Variants in ZBBX observed in about 807,000 individuals in gnomAD.
ZBBX encodes the protein zinc finger B-box domain containing, also known as zinc finger B-box domain-containing protein 1.
ZBBX carries 101 observed loss-of-function variants against 108.5 expected under a neutral mutation model. That is an observed-to-expected ratio of 0.93 (90% CI 0.79 to 1.10). The LOEUF (loss-of-function observed/expected upper bound fraction) is 1.10, where lower values mean the gene tolerates loss of function less well. ZBBX is among the 50% of genes least tolerant of loss of function. The pLI is 0.00. For missense variants in ZBBX, 1,009 were observed against 941.4 expected (o/e 1.07, Z -0.94); for synonymous variants, 356 against 323.4 (o/e 1.10, Z -1.08).
chr3:167,286,792 T>G (rs913608510), intron 19 of ZBBX, among the ~76,000 whole-genome samples: 1 of 152,078 alleles, frequency 6.6e-6, no homozygotes, highest in Admixed American at 6.6e-5. Flanking sequence ...GTGGCAGGGA[T>G]GAGAAGAATG....
chr3:167,274,561 C>T (rs776766916), intron 20 of ZBBX, among the ~76,000 whole-genome samples: 3 of 152,156 alleles, frequency 2.0e-5, no homozygotes, highest in African/African-American at 7.2e-5. Context: ...AAAGGTTTAG[C>T]CTGTTAACTT....
the ZBBX span, among the ~76,000 whole-genome samples, chr3:167,216,002 C>G: frequency 6.6e-6 from 1 of 152,096 alleles, no homozygotes; most frequent in Non-Finnish European, 1.5e-5. Flanking sequence ...TCATCTATGA[C>G]AAACCCACAG....
intron 20 of ZBBX, among the ~76,000 whole-genome samples, chr3:167,270,033 G>C (rs992082481): frequency 2.6e-5 from 4 of 152,138 alleles, no homozygotes; most frequent in African/African-American, 9.7e-5. Flanking sequence ...GCTAGGAAAG[G>C]TTTCTGTTCC....
intron 9 of ZBBX, among the ~76,000 whole-genome samples, chr3:167,344,331 T>C (rs962961458): frequency 2.6e-5 from 4 of 151,838 alleles, no homozygotes; most frequent in Non-Finnish European, 5.9e-5. Flanking sequence ...ATTCATTGAA[T>C]TGTGCACTTC....
At chr3:167,295,677 T>TA (rs1731517091) in intron 18 of ZBBX, among the ~76,000 whole-genome samples, 1 of 134,512 alleles carries the variant, frequency 7.4e-6, no homozygotes. Flanking sequence ...AAGTGAAATT[T>TA]TAAAAAAAAA....
chr3:167,262,249 T>C (rs1321525567), intron 20 of ZBBX, among the ~76,000 whole-genome samples: 1 of 152,196 alleles, frequency 6.6e-6, no homozygotes, highest in Non-Finnish European at 1.5e-5. Flanking sequence ...GTCTGCTTTC[T>C]TCAGAGGGTC....
At chr3:167,315,605 A>C in intron 15 of ZBBX, 145 bp downstream of exon 15, 1 of 597,318 alleles carries the variant, frequency 1.7e-6, no homozygotes, top group Non-Finnish European at 3.0e-6. Flanking sequence ...TACATATTTA[A>C]GCATGGGTTA....
At chr3:167,350,634 C>T (rs1166827550) in intron 8 of ZBBX, 119 bp from the exon 9 acceptor site, 1 of 616,296 alleles carries the variant, frequency 1.6e-6, no homozygotes, top group South Asian at 4.0e-5. Flanking sequence ...ATACCTATAT[C>T]ATCAGAATTG....
chr3:167,232,852 A>C, the ZBBX span, among the ~76,000 whole-genome samples: 2 of 151,810 alleles, frequency 1.3e-5, no homozygotes, highest in African/African-American at 4.8e-5. Flanking sequence ...ATGGCCTTGA[A>C]GAGGTCTGGT....
the ZBBX span, among the ~76,000 whole-genome samples, chr3:167,231,511 A>G: frequency 6.6e-6 from 1 of 151,780 alleles, no homozygotes; most frequent in African/African-American, 2.4e-5. Flanking sequence ...AACAGTGGGA[A>G]CAAGAGCCTA....
intron 20 of ZBBX, among the ~76,000 whole-genome samples, chr3:167,272,201 A>G (rs913388924): frequency 3.9e-5 from 6 of 152,190 alleles, no homozygotes; most frequent in African/African-American, 1.4e-4. Flanking sequence ...TCTCCTTATG[A>G]AATGCCCTAT....
At chr3:167,262,117 G>A (rs984896530) in intron 20 of ZBBX, among the ~76,000 whole-genome samples, 3 of 152,136 alleles carry the variant, frequency 2.0e-5, no homozygotes, top group African/African-American at 4.8e-5. Flanking sequence ...CAGAACTTCA[G>A]CTTTCAGCTT....
chr3:167,402,011 G>A lies in ZBBX; in HGVS notation c.-446+5715C>T, dbSNP rs1190222720. Among the ~76,000 whole-genome samples, 5 of 152,120 alleles carry A rather than the reference G, an allele frequency of 3.3e-5. No homozygotes were observed. In the South Asian group the frequency reaches 6.2e-4, roughly 19 times the overall value. ...GATCTGGCAGGTCTGGATGCAGGACGAGCAGAAGAATGGTCAAGACCCAGG... is the reference window on the plus strand; with the variant it reads ...GATCTGGCAGGTCTGGATGCAGGACAAGCAGAAGAATGGTCAAGACCCAGG... On this transcript the variant is annotated intron_variant, in intron 1 of 21. Coordinates refer to the ZBBX transcript ENST00000455345.
chr3:167,324,917 G>T (rs2108342780), intron 11 of ZBBX, among the ~76,000 whole-genome samples: 1 of 152,150 alleles, frequency 6.6e-6, no homozygotes, highest in Admixed American at 6.6e-5. Flanking sequence ...CTACAAAATG[G>T]CAGGGAAATT....
At chr3:167,385,837 T>A (rs946357502) in intron 1 of ZBBX, among the ~76,000 whole-genome samples, 1 of 152,082 alleles carries the variant, frequency 6.6e-6, no homozygotes, top group African/African-American at 2.4e-5. Flanking sequence ...CGTCACTGAC[T>A]GAAACTTACA....
intron 12 of ZBBX, among the ~76,000 whole-genome samples, chr3:167,321,016 T>C (rs973255270): frequency 1.3e-5 from 2 of 151,942 alleles, no homozygotes; most frequent in Non-Finnish European, 2.9e-5. Flanking sequence ...GATGATAAAA[T>C]TAAGGTAAAA....
chr3:167,261,548 G>A (rs1198104931), intron 20 of ZBBX, among the ~76,000 whole-genome samples: 1 of 151,902 alleles, frequency 6.6e-6, no homozygotes, highest in Non-Finnish European at 1.5e-5. Flanking sequence ...GTTCACTGGA[G>A]TTGTGTACCT....
intron 20 of ZBBX, among the ~76,000 whole-genome samples, chr3:167,272,195 C>T (rs1350542520): frequency 6.6e-6 from 1 of 152,212 alleles, no homozygotes; most frequent in Non-Finnish European, 1.5e-5. Flanking sequence ...GGCCTTTCTC[C>T]TTATGAAATG....
At chr3:167,209,680 G>A in the ZBBX span, among the ~76,000 whole-genome samples, 112 of 152,092 alleles carry the variant, frequency 7.4e-4, 1 homozygote, top group Non-Finnish European at 1.4e-3. Context: ...AGACACTGAC[G>A]AACATCCACA....
Sources: allele counts gnomAD v4.1 joint callset (sites outside exome capture counted in the v4.1 genomes callset), GRCh38; gene constraint gnomAD v4.1.1; transcripts MANE v1.5; gene names NCBI Gene and HGNC (gene_info 2026-07-23, HGNC 2026-07-21).